ADCY8: variants seen among roughly 807,000 people sequenced by gnomAD.
ADCY8 encodes adenylate cyclase type 8.
In ADCY8, 51 loss-of-function variants were observed where a neutral mutation model predicts 119.7. The ratio of observed to expected loss-of-function variants is 0.43; its 90% confidence interval spans 0.34 to 0.54. The LOEUF is 0.54. Ranked by LOEUF, ADCY8 falls within the 20% of genes least tolerant of loss-of-function variation. The pLI is 0.03. For synonymous variants in ADCY8, 665 were observed against 651.0 expected (o/e 1.02, Z -0.33); for missense variants, 1,383 against 1,598.8 (o/e 0.87, Z 2.30).
At chr8:130,874,440 A>G (rs1016643631) in intron 8 of ADCY8, among the ~76,000 whole-genome samples, 2 of 152,220 alleles carry the variant, frequency 1.3e-5, no homozygotes, top group Admixed American at 6.5e-5. Context: ...CATCTTCTCT[A>G]TCTTGGTTCC....
chr8:130,806,967 G>A lies in ADCY8; in HGVS notation c.2914-6395C>T, dbSNP rs372536014. Among the ~76,000 whole-genome samples, 6 of 152,308 alleles carry A rather than the reference G, an allele frequency of 3.9e-5. No homozygotes were observed. The South Asian group carries it at 6.2e-4, about 16-fold the overall frequency. ...AACTCACTCCAGTCAACAGCCTTGA[G>A]TGTGCCATCTGTTTCTTGATATTTT... On this transcript the variant is annotated intron_variant, in intron 14 of 17. Coordinates refer to ENST00000286355, the MANE Select transcript of ADCY8 (RefSeq NM_001115.3).
In ADCY8 at chr8:130,958,320, G is replaced by A. The variant is rs75166524; in HGVS notation, c.1111-6322C>T. 4.7e-3 allele frequency among the ~76,000 whole-genome samples: 708 copies of A among 152,222 alleles called. 6 individuals are homozygous for A. Among genetic ancestry groups the A allele is most frequent in the African/African-American group, 0.017 (687 of 41,540 alleles). ...TAATTGTAGAAAATTGAATGCATAA[G>A]CAACAATGAATGCATCCCACTTTCT... is the stretch of plus-strand genomic sequence containing the variant. On this transcript the variant is annotated intron_variant, in intron 2 of 17. Transcript: ENST00000286355.
chr8:130,974,567 T>C (rs1462618020), intron 2 of ADCY8, among the ~76,000 whole-genome samples: 1 of 152,230 alleles, frequency 6.6e-6, no homozygotes, highest in Non-Finnish European at 1.5e-5. Flanking sequence ...GAAGATTTCA[T>C]TTGTTTTATA....
At chr8:130,950,660 C>T (rs1016945467) in intron 3 of ADCY8, among the ~76,000 whole-genome samples, 3 of 152,170 alleles carry the variant, frequency 2.0e-5, no homozygotes, top group Non-Finnish European at 4.4e-5. Flanking sequence ...TCCATTCTTC[C>T]CTAACTATTC....
At chr8:130,930,507 T>C (rs916537901) in intron 5 of ADCY8, among the ~76,000 whole-genome samples, 19 of 152,124 alleles carry the variant, frequency 1.2e-4, no homozygotes, top group Non-Finnish European at 1.8e-4. Context: ...CACCTCAGCC[T>C]CCCAAAGTGC....
At chr8:130,826,731 C>T (rs1045006062) in intron 12 of ADCY8, among the ~76,000 whole-genome samples, 2 of 139,028 alleles carry the variant, frequency 1.4e-5, no homozygotes, top group African/African-American at 5.2e-5. Context: ...TGCCAGAAAG[C>T]GGAAACAGCA....
chr8:130,904,669 A>G (rs1819723663), intron 6 of ADCY8, among the ~76,000 whole-genome samples: 1 of 152,208 alleles, frequency 6.6e-6, no homozygotes, highest in Non-Finnish European at 1.5e-5. Context: ...AGCTGTGGAC[A>G]TGTGCAGGCT....
intron 12 of ADCY8, among the ~76,000 whole-genome samples, chr8:130,830,631 T>C (rs1399090764): frequency 1.3e-5 from 2 of 152,200 alleles, no homozygotes; most frequent in African/African-American, 4.8e-5. Flanking sequence ...CATGAGGTGA[T>C]GAACCTTGGG....
intron 5 of ADCY8, among the ~76,000 whole-genome samples, chr8:130,912,369 C>T (rs1049930312): frequency 6.6e-6 from 1 of 152,024 alleles, no homozygotes; most frequent in African/African-American, 2.4e-5. Flanking sequence ...CCTGGGTGTC[C>T]AATACTTTCT....
intron 2 of ADCY8, among the ~76,000 whole-genome samples, chr8:130,963,295 G>T (rs1360350352): frequency 1.3e-5 from 2 of 152,158 alleles, no homozygotes; most frequent in Non-Finnish European, 2.9e-5. Flanking sequence ...CTGTAGTGAA[G>T]TTTAAGGGGA....
chr8:130,853,985 C>A (rs1178099722), intron 9 of ADCY8, among the ~76,000 whole-genome samples: 1 of 152,156 alleles, frequency 6.6e-6, no homozygotes, highest in Non-Finnish European at 1.5e-5. Flanking sequence ...AATGTTAGTT[C>A]TCTTTCTCTA....
At chr8:130,961,372 A>T (rs1469186386) in intron 2 of ADCY8, among the ~76,000 whole-genome samples, 1 of 152,034 alleles carries the variant, frequency 6.6e-6, no homozygotes. Flanking sequence ...GGTCTCCCAA[A>T]GCGCTGGAAT....
At chr8:131,027,630 G>A (rs1823861881) in intron 1 of ADCY8, among the ~76,000 whole-genome samples, 1 of 152,176 alleles carries the variant, frequency 6.6e-6, no homozygotes, top group African/African-American at 2.4e-5. Flanking sequence ...GGAGTCAATT[G>A]TTACTTGTTG....
chr8:130,930,839 T>C (rs1448662878), intron 5 of ADCY8, among the ~76,000 whole-genome samples: 1 of 152,160 alleles, frequency 6.6e-6, no homozygotes, highest in Non-Finnish European at 1.5e-5. Flanking sequence ...ATATAAGTAA[T>C]TTACATCTTT....
At chr8:130,955,422 A>G (rs1370445015) in intron 2 of ADCY8, among the ~76,000 whole-genome samples, 1 of 152,178 alleles carries the variant, frequency 6.6e-6, no homozygotes, top group Non-Finnish European at 1.5e-5. Context: ...TCACCTTATC[A>G]GAAAGCTGTT....
chr8:130,858,131 C>A (rs1817808207), intron 9 of ADCY8, among the ~76,000 whole-genome samples: 2 of 152,082 alleles, frequency 1.3e-5, no homozygotes, highest in South Asian at 4.1e-4. Flanking sequence ...GCTCATCTAG[C>A]ACATTTCCTG....
intron 14 of ADCY8, among the ~76,000 whole-genome samples, chr8:130,802,405 C>T (rs950623167): frequency 2.0e-5 from 3 of 152,172 alleles, no homozygotes; most frequent in African/African-American, 7.2e-5. Context: ...TGAGAGCCTT[C>T]TACTGGGTTT....
intron 15 of ADCY8, among the ~76,000 whole-genome samples, chr8:130,786,881 T>C (rs144249957): frequency 6.6e-6 from 1 of 152,160 alleles, no homozygotes; most frequent in East Asian, 1.9e-4. Flanking sequence ...GGGGTTTTTC[T>C]AGCAGTGAGT....
intron 2 of ADCY8, among the ~76,000 whole-genome samples, chr8:130,977,794 T>A (rs1822118241): frequency 6.6e-6 from 1 of 152,242 alleles, no homozygotes; most frequent in Non-Finnish European, 1.5e-5. Context: ...CACACAGGCA[T>A]CTGGATTCAT....
Sources: allele counts gnomAD v4.1 joint callset (sites outside exome capture counted in the v4.1 genomes callset), GRCh38; gene constraint gnomAD v4.1.1; transcripts MANE v1.5; gene names NCBI Gene and HGNC (gene_info 2026-07-23, HGNC 2026-07-21).